The following TRNT1 variants were observed in gnomAD, a reference collection of about 807,000 sequenced individuals.
TRNT1 encodes the protein CCA tRNA nucleotidyltransferase 1, mitochondrial.
Under a neutral mutation model 45.6 loss-of-function variants are expected in TRNT1, and 44 were observed. The observed-to-expected ratio is 0.97, with a 90% CI of 0.76 to 1.24. The LOEUF (loss-of-function observed/expected upper bound fraction) is 1.24. Among genes scored for constraint, TRNT1 ranks in the 50% most tolerant of loss-of-function variants. The pLI is 0.00. For synonymous variants in TRNT1, 201 were observed against 171.4 expected (o/e 1.17, Z -1.35); for missense variants, 633 against 504.4 (o/e 1.25, Z -2.44).
intron 3 of TRNT1, among the ~76,000 whole-genome samples, chr3:3,138,342 C>G (rs1374802372): frequency 2.0e-5 from 3 of 152,184 alleles, no homozygotes; most frequent in Non-Finnish European, 2.9e-5. Flanking sequence ...TTTCTAGCTT[C>G]CAGTACTGCC....
intron 4 of TRNT1, among the ~76,000 whole-genome samples, chr3:3,144,043 A>C (rs574976779): frequency 1.3e-5 from 2 of 152,174 alleles, no homozygotes; most frequent in African/African-American, 4.8e-5. Context: ...AATGTCACTT[A>C]TGACTTTGTG....
Position 3,148,011 on chromosome 3 carries a change from G to C in TRNT1, c.1162G>C (p.Val388Leu). The C allele has an allele frequency of 6.2e-7, 1 of 1,613,996 alleles. No individual in the cohort carries two copies. Among genetic ancestry groups the C allele is most frequent in the Non-Finnish European group, 8.5e-7 (1 of 1,179,906 alleles). ...GCAGTGGTCCATTCCTCCATTTCCT[G>C]TAAGTGGCCATGACATCAGAAAAGT... Reference protein sequence around the residue: ...MQQWSIPPFPVSGHDIRKVGI... With the variant: ...MQQWSIPPFPLSGHDIRKVGI... The change falls in exon 8 of 8, where the codon GTA becomes CTA. Residue 388 changes from valine to leucine, a missense_variant. Transcript: ENST00000251607.
downstream of TRNT1, chr3:3,152,409 T>C: frequency 6.3e-7 from 1 of 1,585,800 alleles, no homozygotes; most frequent in Non-Finnish European, 8.6e-7. Flanking sequence ...TTCTGCCCAA[T>C]TAAGGTAAAA....
rs538780074 is a variant in TRNT1, at chr3:3,148,455, G to A, written c.*301G>A. ...TTTTAAAAAAAACTGTTTTTGCATA[G>A]GGTAGTACTAAGATCTTAAAAAGTG... On this transcript the variant is annotated 3_prime_UTR_variant, in exon 8 of 8. Transcript: ENST00000251607. The A allele has an allele frequency of 5.4e-4, 114 of 209,204 alleles. No individual in the cohort carries two copies. The South Asian group carries it at 0.012, about 21-fold the overall frequency. The allele number at this position is 209,204 out of a possible 1,614,324, so 13.0% of individuals were successfully genotyped here.
intron 4 of TRNT1, 137 bp from the exon 5 acceptor site, chr3:3,144,447 A>G: frequency 1.3e-6 from 1 of 759,504 alleles, no homozygotes; most frequent in Non-Finnish European, 2.1e-6. Flanking sequence ...GTTGATATGT[A>G]TGAATACGTA....
At chr3:3,144,038 C>G (rs1705824831) in intron 4 of TRNT1, among the ~76,000 whole-genome samples, 1 of 152,142 alleles carries the variant, frequency 6.6e-6, no homozygotes, top group South Asian at 2.1e-4. Flanking sequence ...CCAAAAATGT[C>G]ACTTATGACT....
chr3:3,153,031 A>G (rs937484315), downstream of TRNT1: 6 of 303,420 alleles, frequency 2.0e-5, no homozygotes, highest in African/African-American at 1.3e-4. Flanking sequence ...ACACTGTTAT[A>G]TCAGAGCATC....
chr3:3,147,499 T>C lies in TRNT1; in HGVS notation c.852T>C (p.Asn284=), dbSNP rs1396291964. The C allele has an allele frequency of 9.9e-6, 16 of 1,613,694 alleles. No individual in the cohort carries two copies. The Admixed American group carries it at 1.8e-4, about 18-fold the overall frequency. The change falls in exon 7 of 8, where the codon AAT becomes AAC. Residue 284 remains asparagine, a synonymous_variant. Coordinates refer to ENST00000251607, the MANE Select transcript of TRNT1 (RefSeq NM_182916.3). The stretch of plus-strand genomic sequence containing the variant: ...AAGAATTTGACAAAGTCAGTAAAAA[T>C]GTTGATGGTTTTTCACCAAAGCCAG... ...SLEEFDKVSK[N]VDGFSPKPVT... is the part of the protein sequence containing the mutation.
chr3:3,129,338 C>G, intron 2 of TRNT1, 150 bp downstream of exon 2: 1 of 760,134 alleles, frequency 1.3e-6, no homozygotes, highest in Non-Finnish European at 2.0e-6. Flanking sequence ...TTGTGTTGCC[C>G]AGGCTGGTCT....
intron 3 of TRNT1, among the ~76,000 whole-genome samples, 191 bp from the exon 4 acceptor site, chr3:3,140,319 T>C (rs774815994): frequency 6.6e-6 from 1 of 152,258 alleles, no homozygotes; most frequent in Non-Finnish European, 1.5e-5. Flanking sequence ...ATCAGTCTTT[T>C]GATCTGTTTT....
At chr3:3,137,548 A>G (rs1705403355) in intron 3 of TRNT1, 95 bp downstream of exon 3, 1 of 1,113,308 alleles carries the variant, frequency 9.0e-7, no homozygotes, top group African/African-American at 1.6e-5. Flanking sequence ...GAAAAGTCTA[A>G]TAAAAAAGTC....
At chr3:3,146,363 G>T in intron 5 of TRNT1, 67 bp from the exon 6 acceptor site, 2 of 1,304,292 alleles carry the variant, frequency 1.5e-6, no homozygotes, top group South Asian at 2.8e-5. Flanking sequence ...CAATAAAAAT[G>T]AAAAACAGAT....
chr3:3,140,442 T>C lies in TRNT1; in HGVS notation c.343-68T>C, dbSNP rs1031079220. 625 of 1,532,580 alleles carry C rather than the reference T, an allele frequency of 4.1e-4. 1 individual carries two copies. Among genetic ancestry groups the C allele is most frequent in the South Asian group, 1.3e-3 (104 of 82,616 alleles). The allele number at this position is 1,532,580 out of a possible 1,614,324, so 94.9% of individuals were successfully genotyped here. On this transcript the variant is annotated intron_variant, in intron 3 of 7. Coordinates refer to ENST00000251607, the MANE Select transcript of TRNT1 (RefSeq NM_182916.3). The stretch of plus-strand genomic sequence containing the variant: ...TCCCTTTATAAAGACAAAAACTTAT[T>C]TTTTTCAATTCAGTAGTATGAAAAC...
At chr3:3,135,932 A>T (rs765142696) in intron 2 of TRNT1, among the ~76,000 whole-genome samples, 2 of 152,186 alleles carry the variant, frequency 1.3e-5, no homozygotes, top group Non-Finnish European at 2.9e-5. Context: ...GACTTCTTAT[A>T]GGAGTTGGGC....
chr3:3,139,841 C>T (rs1705537520), intron 3 of TRNT1, among the ~76,000 whole-genome samples: 1 of 152,172 alleles, frequency 6.6e-6, no homozygotes, highest in Admixed American at 6.5e-5. Flanking sequence ...ATCCTCCCAC[C>T]TCAGCCTCCC....
At position 3,144,704 on chromosome 3, in the gene TRNT1, A is replaced by T; in HGVS notation, c.602A>T (p.Tyr201Phe). The change falls in exon 5 of 8, where the codon TAC becomes TTC. Residue 201 changes from tyrosine (Y) to phenylalanine (F), a missense_variant. By Grantham distance (22) the Tyr-to-Phe change is conservative. Coordinates refer to ENST00000251607, the MANE Select transcript of TRNT1 (RefSeq NM_182916.3). ...GAGGATTATCTTAGAATTTTAAGAT[A>T]CTTCAGGTAAGAATTTTTAAAAATA... Reference protein sequence around the residue: ...IQEDYLRILRYFRFYGRIVDK... With the variant: ...IQEDYLRILRFFRFYGRIVDK... 1 of 1,531,668 alleles carries T rather than the reference A, an allele frequency of 6.5e-7. No individual in the cohort carries two copies. Among genetic ancestry groups the T allele is most frequent in the Non-Finnish European group, 8.8e-7 (1 of 1,130,932 alleles). 94.9% of individuals were successfully genotyped at this position (1,531,668 alleles called of 1,614,324 possible). A position where few individuals can be genotyped will look rare whatever the true frequency, so the allele number is the denominator to read the frequency against.
chr3:3,139,839 A>ACC (rs1705537387), intron 3 of TRNT1, among the ~76,000 whole-genome samples: 1 of 151,898 alleles, frequency 6.6e-6, no homozygotes, highest in Non-Finnish European at 1.5e-5. Context: ...CGATCCTCCC[A>ACC]CCTCAGCCTC....
At chr3:3,144,141 G>A (rs1184525452) in intron 4 of TRNT1, among the ~76,000 whole-genome samples, 1 of 151,950 alleles carries the variant, frequency 6.6e-6, no homozygotes, top group Admixed American at 6.6e-5. Flanking sequence ...TTTGTGTTGC[G>A]TTTTCTGTTT....
At chr3:3,131,077 TA>T (rs111962069) in intron 2 of TRNT1, among the ~76,000 whole-genome samples, 3,508 of 144,386 alleles carry the variant, frequency 0.024, 48 homozygotes, top group Non-Finnish European at 0.03. Flanking sequence ...ACCGTGTCTT[TA>T]AAAAAAAAAA....
Sources: gnomAD v4.1 joint callset for allele counts (sites outside exome capture counted in the v4.1 genomes callset) on GRCh38, gnomAD v4.1.1 for gene constraint, MANE v1.5 for transcripts, NCBI Gene and HGNC (gene_info 2026-07-23, HGNC 2026-07-21) for gene names.